The following MTMR6 variants were observed in gnomAD, a reference collection of about 807,000 sequenced individuals.
The protein encoded by MTMR6 is phosphatidylinositol-3,5-bisphosphate 3-phosphatase MTMR6.
MTMR6 carries 47 observed loss-of-function variants against 80.1 expected under a neutral mutation model. That is an observed-to-expected ratio of 0.59 (90% CI 0.46 to 0.75). The LOEUF (loss-of-function observed/expected upper bound fraction) is 0.75, where lower values mean the gene tolerates loss of function less well. Among genes scored for constraint, MTMR6 ranks in the 30% least tolerant of loss-of-function variants. The pLI is 0.00. For missense variants in MTMR6, 629 were observed against 730.9 expected (o/e 0.86, Z 1.61); for synonymous variants, 254 against 253.0 (o/e 1.00, Z -0.04).
intron 6 of MTMR6, among the ~76,000 whole-genome samples, chr13:25,261,303 TAAAAAA>T (rs56833434): frequency 1.5e-4 from 6 of 40,870 alleles, no homozygotes; most frequent in Admixed American, 9.2e-4. Context: ...AACTCTGTCT[TAAAAAA>T]AAAAAAAAAA....
intron 1 of MTMR6, among the ~76,000 whole-genome samples, chr13:25,285,599 A>G (rs1957940467): frequency 6.6e-6 from 1 of 151,076 alleles, no homozygotes; most frequent in African/African-American, 2.4e-5. Context: ...CACTGGTGCC[A>G]TCTTGGCTCA....
intron 7 of MTMR6, 125 bp from the exon 8 acceptor site, chr13:25,257,970 T>C (rs545634709): frequency 1.0e-4 from 57 of 552,024 alleles, no homozygotes; most frequent in African/African-American, 1.0e-3. Context: ...ACTCTATAAA[T>C]GAAAAGATGC....
At chr13:25,266,809 G>C (rs1957465876) in intron 3 of MTMR6, among the ~76,000 whole-genome samples, 1 of 152,162 alleles carries the variant, frequency 6.6e-6, no homozygotes, top group African/African-American at 2.4e-5. Context: ...GATGTTACAG[G>C]CTGATGTGCT....
Position 25,249,467 on chromosome 13 carries a change from T to C in MTMR6, c.1631A>G (p.Gln544Arg), listed in dbSNP as rs1474028783. Residue 544 changes from glutamine (Q) to arginine (R), a missense_variant, in exon 14 of 14, where the codon CAA becomes CGA. Gln to Arg is a conservative substitution (Grantham distance 43, BLOSUM62 1). Coordinates refer to ENST00000381801, the MANE Select transcript of MTMR6 (RefSeq NM_004685.5). ...TTCCTTGGTGAGGATGCCATCTGTT[T>C]GCTTATTTTTGCGTTGTTTAATTTT... is the stretch of plus-strand genomic sequence containing the variant. ...ESKIKQRKNK[Q>R]TDGILTKELL... The C allele has an allele frequency of 5.0e-6, 8 of 1,613,358 alleles. No individual in the cohort carries two copies. Among genetic ancestry groups the C allele is most frequent in the Non-Finnish European group, 6.8e-6 (8 of 1,179,578 alleles).
chr13:25,246,652 T>C lies in MTMR6; in HGVS notation c.*2580A>G, dbSNP rs1286358012. ...GATCAGCATTTAATCCAACTTAGCA[T>C]GTCAACTGGAAATTTTTCAATATTT... On this transcript the variant is annotated 3_prime_UTR_variant, in exon 14 of 14. Coordinates refer to ENST00000381801, the MANE Select transcript of MTMR6 (RefSeq NM_004685.5). 1 of 152,776 alleles carries C rather than the reference T, an allele frequency of 6.5e-6. No individual in the cohort carries two copies. Among genetic ancestry groups the C allele is most frequent in the Non-Finnish European group, 1.5e-5 (1 of 68,064 alleles). The allele number at this position is 152,776 out of a possible 1,614,324, so 9.5% of individuals were successfully genotyped here.
chr13:25,282,386 T>C (rs1178237336), intron 1 of MTMR6, among the ~76,000 whole-genome samples: 1 of 152,168 alleles, frequency 6.6e-6, no homozygotes, highest in Non-Finnish European at 1.5e-5. Context: ...ATTTTGTTTA[T>C]TGTTACCTCT....
intron 11 of MTMR6, 37 bp from the exon 12 acceptor site, chr13:25,252,021 T>C: frequency 6.3e-7 from 1 of 1,584,274 alleles, no homozygotes; most frequent in East Asian, 2.2e-5. Flanking sequence ...ATCTTTCCTA[T>C]AGATGCAAAG....
intron 9 of MTMR6, among the ~76,000 whole-genome samples, chr13:25,255,927 C>A (rs1464856305): frequency 6.6e-6 from 1 of 152,212 alleles, no homozygotes; most frequent in African/African-American, 2.4e-5. Flanking sequence ...CATAAGTTAT[C>A]ATAATAGTGT....
Position 25,287,257 on chromosome 13 carries a change from A to G in MTMR6, c.-10T>C, listed in dbSNP as rs1000053336. On this transcript the variant is annotated 5_prime_UTR_variant, in exon 1 of 14. Coordinates refer to ENST00000381801, the MANE Select transcript of MTMR6 (RefSeq NM_004685.5). Reference sequence around the variant, plus strand: ...TCCGGATATGCTCCATCGCAAGGAGACGTCAGCCGGCAGCCGGTCTCACAG... The same window carrying G: ...TCCGGATATGCTCCATCGCAAGGAGGCGTCAGCCGGCAGCCGGTCTCACAG... The G allele has an allele frequency of 1.1e-5, 17 of 1,591,856 alleles. No homozygotes were observed. The highest frequency in any genetic ancestry group is 1.5e-5 in the Non-Finnish European group (17 of 1,171,994).
rs1426485892 is a variant in MTMR6 at position 25,249,208 on chromosome 13, C to A, written c.*24G>T. The A allele has an allele frequency of 1.2e-6, 2 of 1,604,360 alleles. No individual in the cohort carries two copies. Among genetic ancestry groups the A allele is most frequent in the Admixed American group, 1.7e-5 (1 of 59,392 alleles). On this transcript the variant is annotated 3_prime_UTR_variant, in exon 14 of 14. Coordinates refer to ENST00000381801, the MANE Select transcript of MTMR6 (RefSeq NM_004685.5). ...AATAATCCTTTTCTTGTACTGCAAT[C>A]ATTGCAGAAAAAACTCTATGAGTCT... is the stretch of plus-strand genomic sequence containing the variant.
At chr13:25,272,221 C>T (rs939701875) in intron 2 of MTMR6, among the ~76,000 whole-genome samples, 2 of 152,092 alleles carry the variant, frequency 1.3e-5, no homozygotes, top group African/African-American at 4.8e-5. Flanking sequence ...ATAGAAGAAC[C>T]TTTATGACTT....
chr13:25,266,172 G>A lies in MTMR6; in HGVS notation c.419C>T (p.Pro140Leu). The A allele has an allele frequency of 1.2e-6, 2 of 1,613,980 alleles. No individual in the cohort carries two copies. Among genetic ancestry groups the A allele is most frequent in the Non-Finnish European group, 1.7e-6 (2 of 1,180,000 alleles). ...ATCAGACAACTGCCAGTGTGAGTTT[G>A]GCACTCCCATCCTCTTATATTCCTC... The part of the protein sequence containing the change: ...LAEEYKRMGV[P>L]NSHWQLSDAN... The change falls in exon 4 of 14, where the codon CCA becomes CTA. Residue 140 changes from proline (P) to leucine (L), a missense_variant. Physicochemically the swap from Pro to Leu is moderately conservative, Grantham distance 98. Transcript: ENST00000381801.
Position 25,280,842 on chromosome 13 carries a change from C to T in MTMR6, c.24+6382G>A, listed in dbSNP as rs932157016. Among the ~76,000 whole-genome samples the T allele has an allele frequency of 3.9e-5, 6 of 152,138 alleles. No individual in the cohort carries two copies. In the East Asian group the frequency reaches 1.2e-3, roughly 29 times the overall value. On this transcript the variant is annotated intron_variant, in intron 1 of 13. Coordinates refer to ENST00000381801, the MANE Select transcript of MTMR6 (RefSeq NM_004685.5). ...CAAGGAGAAAGGAATTGGAAGATGT[C>T]GCTTTGGTGAGGAATGGTAAATGCC...
Position 25,286,510 on chromosome 13 carries a change from C to A in MTMR6, c.24+714G>T, listed in dbSNP as rs74241225. On this transcript the variant is annotated intron_variant, in intron 1 of 13. Transcript: ENST00000381801. ...TTTCCTTCCGTTTTTAAATTTGTAA[C>A]GAAATAAAAATATTTGTTCGTTCTC... Among the ~76,000 whole-genome samples the A allele has an allele frequency of 2.4e-4, 37 of 152,218 alleles. No individual in the cohort carries two copies. In the East Asian group the frequency reaches 6.8e-3, roughly 28 times the overall value.
chr13:25,252,012 T>C (rs778454169), intron 11 of MTMR6, 28 bp from the exon 12 acceptor site: 1 of 1,596,134 alleles, frequency 6.3e-7, no homozygotes, highest in South Asian at 1.1e-5. Flanking sequence ...AACACAGAGA[T>C]CTTTCCTATA....
intron 1 of MTMR6, among the ~76,000 whole-genome samples, chr13:25,282,675 G>A (rs1047597507): frequency 3.4e-5 from 5 of 148,762 alleles, no homozygotes; most frequent in Non-Finnish European, 5.9e-5. Flanking sequence ...GCACGATCTC[G>A]GCTCACTGCA....
chr13:25,249,092 A>C lies in MTMR6; in HGVS notation c.*140T>G, dbSNP rs1224376579. ...ACTTATTTCTCTCACAAGGGTAGTTATTATCCTTCCTTCAACTATTAGCCT... is the reference window on the plus strand; with the variant it reads ...ACTTATTTCTCTCACAAGGGTAGTTCTTATCCTTCCTTCAACTATTAGCCT... On this transcript the variant is annotated 3_prime_UTR_variant, in exon 14 of 14. Coordinates refer to ENST00000381801, the MANE Select transcript of MTMR6 (RefSeq NM_004685.5). The C allele has an allele frequency of 1.4e-5, 11 of 794,816 alleles. No individual in the cohort carries two copies. Among genetic ancestry groups the C allele is most frequent in the Non-Finnish European group, 1.9e-5 (10 of 513,906 alleles). 49.2% of individuals were successfully genotyped at this position (794,816 alleles called of 1,614,324 possible).
chr13:25,249,301 T>G lies in MTMR6; in HGVS notation c.1797A>C (p.Ala599=). 1 of 1,614,124 alleles carries G rather than the reference T, an allele frequency of 6.2e-7. No homozygotes were observed. Among genetic ancestry groups the G allele is most frequent in the Non-Finnish European group, 8.5e-7 (1 of 1,179,952 alleles). The part of the protein sequence containing the change: ...SPADNRYSEY[A]EEFSKSEPAV... ...CAGGTTCTGATTTAGAAAACTCTTC[T>G]GCATATTCACTATAACGATTATCTG... is the stretch of plus-strand genomic sequence containing the variant. The change falls in exon 14 of 14, where the codon GCA becomes GCC. Residue 599 remains alanine, a synonymous_variant. Coordinates refer to ENST00000381801, the MANE Select transcript of MTMR6 (RefSeq NM_004685.5).
intron 1 of MTMR6, among the ~76,000 whole-genome samples, chr13:25,287,001 A>G (rs1957966168): frequency 6.6e-6 from 1 of 152,088 alleles, no homozygotes; most frequent in Non-Finnish European, 1.5e-5. Context: ...AGATGCTGAA[A>G]GTGGGACCCC....
Sources: allele counts gnomAD v4.1 joint callset (sites outside exome capture counted in the v4.1 genomes callset), GRCh38; gene constraint gnomAD v4.1.1; transcripts MANE v1.5; gene names NCBI Gene and HGNC (gene_info 2026-07-23, HGNC 2026-07-21).